CTSF: variants seen among roughly 807,000 people sequenced by gnomAD.
CTSF encodes cathepsin F.
Under a neutral mutation model 63.5 loss-of-function variants are expected in CTSF, and 65 were observed. The ratio of observed to expected loss-of-function variants is 1.02; its 90% CI spans 0.84 to 1.26. The LOEUF (loss-of-function observed/expected upper bound fraction) is 1.26. CTSF is among the 50% of genes most tolerant of loss of function. CTSF has a pLI of 0.00. For missense variants in CTSF, 641 were observed against 631.0 expected (o/e 1.02, Z -0.17); for synonymous variants, 256 against 258.1 (o/e 0.99, Z 0.08).
Position 66,563,940 on chromosome 11 carries a change from A to G in CTSF, c.1448T>C (p.Val483Ala), listed in dbSNP as rs1590814414. 2 of 1,612,592 alleles carry G rather than the reference A, an allele frequency of 1.2e-6. No individual in the cohort carries two copies. Among genetic ancestry groups the G allele is most frequent in the Middle Eastern group, 1.9e-4 (1 of 5,304 alleles). The change falls in exon 13 of 13, where the codon GTG (valine) becomes GCG (alanine). Residue 483 changes from valine to alanine, a missense_variant. Transcript: ENST00000310325. ...GVNTMASSAV[V>A]D ...CGAGCTGGGGGCCCCTCTTCAGTCC[A>G]CCACCGCCGAGCTGGCCATGGTGTT...
chr11:66,564,255 A>G, intron 11 of CTSF, 109 bp from the exon 12 acceptor site: 1 of 1,374,314 alleles, frequency 7.3e-7, no homozygotes, highest in Non-Finnish European at 1.0e-6. Flanking sequence ...TGTGACAGGG[A>G]CTAGGAAAAG....
chr11:66,566,848 C>T (rs1485195521), intron 4 of CTSF, among the ~76,000 whole-genome samples: 1 of 152,114 alleles, frequency 6.6e-6, no homozygotes, highest in South Asian at 2.1e-4. Flanking sequence ...CTCAGCCTCC[C>T]GAGTAGCTGG....
At chr11:66,566,193 G>A (rs1857928091) in intron 5 of CTSF, 26 bp from the exon 6 acceptor site, 1 of 1,613,930 alleles carries the variant, frequency 6.2e-7, no homozygotes, top group African/African-American at 1.3e-5. Context: ...GGCAGGGCAT[G>A]GGGAGGAAGA....
Position 66,563,465 on chromosome 11 carries a change from C to CGG in CTSF, c.*466_*467dup. 2.1e-6 allele frequency: 1 copy of CGG among 475,234 alleles called. No individual in the cohort carries two copies. The highest frequency in any genetic ancestry group is 3.7e-6 in the Non-Finnish European group (1 of 269,262). The allele number at this position is 475,234 out of a possible 1,614,324, so 29.4% of individuals were successfully genotyped here. A position where few individuals can be genotyped will look rare whatever the true frequency, so the allele number is the denominator to read the frequency against. On this transcript the variant is annotated 3_prime_UTR_variant, in exon 13 of 13. Transcript: ENST00000310325. ...GGGGACTGAGCATTTATACCACACTCGGGACAAGGACACCTCTTTATTGCT... is the reference window on the plus strand; with the variant it reads ...GGGGACTGAGCATTTATACCACACTCGGGGGACAAGGACACCTCTTTATTGCT...
Position 66,568,563 on chromosome 11 carries a change from G to T in CTSF, c.-77C>A. On this transcript the variant is annotated 5_prime_UTR_variant, in exon 1 of 13. Transcript: ENST00000310325. ...CGGGTACCGAGCCCGCGGCCAGCGG[G>T]GCCTGAGTCCTCCCTCCAGCGGGGC... 7.0e-7 allele frequency: 1 copy of T among 1,426,878 alleles called. No homozygotes were observed. The highest frequency in any genetic ancestry group is 1.4e-5 in the South Asian group (1 of 73,160). 88.4% of individuals were successfully genotyped at this position (1,426,878 alleles called of 1,614,324 possible). A position where few individuals can be genotyped will look rare whatever the true frequency, so the allele number is the denominator to read the frequency against.
chr11:66,564,385 C>T (rs1857879381), intron 11 of CTSF, 173 bp downstream of exon 11: 1 of 780,568 alleles, frequency 1.3e-6, no homozygotes, highest in Non-Finnish European at 2.0e-6. Context: ...TCCCACAGCT[C>T]AGCTTCCCTG....
At position 66,564,634 on chromosome 11, in the gene CTSF, C is replaced by A; in HGVS notation, c.1245G>T (p.Gly415=). ...NAFGMQFYRH[G]ISRPLRPLCS... ...AGAGGGGCCGGAGAGGGCGGGAGAT[C>A]CCGTGGCGGTAAAACTGGAGGTGGA... is the stretch of plus-strand genomic sequence containing the variant. The change falls in exon 11 of 13, where the codon GGG becomes GGT. Residue 415 remains glycine, a synonymous_variant. Coordinates refer to ENST00000310325, the MANE Select transcript of CTSF (RefSeq NM_003793.4). 1 of 1,609,130 alleles carries A rather than the reference C, an allele frequency of 6.2e-7. No individual in the cohort carries two copies. Among genetic ancestry groups the A allele is most frequent in the East Asian group, 2.2e-5 (1 of 44,704 alleles).
Position 66,568,090 on chromosome 11 carries a change from G to C in CTSF, c.214-8C>G. The stretch of plus-strand genomic sequence containing the variant: ...CAGCGACCCCTGACCCGCCTGGAGA[G>C]AGGAGTAGGTGAGGCGGGCACAGTC... On this transcript the variant is annotated splice_polypyrimidine_tract_variant and splice_region_variant and intron_variant, in intron 1 of 12. Transcript: ENST00000310325. The C allele has an allele frequency of 6.2e-7, 1 of 1,605,620 alleles. No homozygotes were observed. Among genetic ancestry groups the C allele is most frequent in the Non-Finnish European group, 8.5e-7 (1 of 1,177,254 alleles).
intron 2 of CTSF, 131 bp downstream of exon 2, chr11:66,567,853 G>C: frequency 7.2e-7 from 1 of 1,397,070 alleles, no homozygotes; most frequent in Non-Finnish European, 9.7e-7. Context: ...TCCAGCCCTC[G>C]GGGCCTGGGA....
rs764262853 is a variant in CTSF at position 66,564,758 on chromosome 11, T to C, written c.1214A>G (p.Asn405Ser). The change falls in exon 10 of 13, where the codon AAT becomes AGT. Residue 405 changes from asparagine (N) to serine (S), a missense_variant. Transcript: ENST00000310325. ...AKRGPISVAI[N>S]AFGMQFYRHG... The stretch of plus-strand genomic sequence containing the variant: ...GGGCCTCACCTGCATGCCAAAGGCA[T>C]TGATGGCCACGGAGATTGGGCCTCT... 3 of 1,614,010 alleles carry C rather than the reference T, an allele frequency of 1.9e-6. No homozygotes were observed. The highest frequency in any genetic ancestry group is 2.2e-5 in the East Asian group (1 of 44,880).
intron 11 of CTSF, 65 bp downstream of exon 11, chr11:66,564,493 T>G: frequency 3.1e-5 from 42 of 1,373,186 alleles, no homozygotes; most frequent in Non-Finnish European, 4.0e-5. Flanking sequence ...CTAGAGGACC[T>G]GAGATGCTGT....
intron 4 of CTSF, among the ~76,000 whole-genome samples, chr11:66,566,829 T>C (rs1417716346): frequency 6.6e-6 from 1 of 152,108 alleles, no homozygotes; most frequent in African/African-American, 2.4e-5. Context: ...GTTCAAGTGA[T>C]TTTCCTGCCT....
chr11:66,568,079 C>A lies in CTSF; in HGVS notation c.217G>T (p.Gly73Cys), dbSNP rs1304498057. 6.2e-7 allele frequency: 1 copy of A among 1,603,554 alleles called. No homozygotes were observed. The highest frequency in any genetic ancestry group is 1.7e-5 in the Admixed American group (1 of 57,176). Reference protein sequence around the residue: ...GLVRGRVRRAGQGSLYSLEAT... With the variant: ...GLVRGRVRRACQGSLYSLEAT... ...TCCAGGGAGTACAGCGACCCCTGAC[C>A]CGCCTGGAGAGAGGAGTAGGTGAGG... Residue 73 changes from glycine (G) to cysteine (C), a missense_variant, in exon 2 of 13, where the codon GGT becomes TGT. Coordinates refer to ENST00000310325, the MANE Select transcript of CTSF (RefSeq NM_003793.4).
chr11:66,564,563 C>A lies in CTSF; in HGVS notation c.1316G>T (p.Gly439Val), dbSNP rs1440223068. ...IDHAVLLVGYGNRSDVPFWAI... is the reference protein window; with the variant it reads ...IDHAVLLVGYVNRSDVPFWAI... ...GGACAGGCAGCGGAACTCACGGTTG[C>A]CGTAGCCCACAAGCAACACCGCATG... Residue 439 changes from glycine (G) to valine (V), a missense_variant, in exon 11 of 13, where the codon GGC (glycine) becomes GTC (valine). By Grantham distance (109) the Gly-to-Val change is moderately radical. Transcript: ENST00000310325. 1.3e-6 allele frequency: 2 copies of A among 1,558,278 alleles called. No individual in the cohort carries two copies. Among genetic ancestry groups the A allele is most frequent in the Admixed American group, 1.9e-5 (1 of 51,742 alleles).
At chr11:66,566,729 T>A (rs1486275313) in intron 4 of CTSF, among the ~76,000 whole-genome samples, 1 of 146,574 alleles carries the variant, frequency 6.8e-6, no homozygotes, top group Non-Finnish European at 1.5e-5. Context: ...CAGAGCTTCT[T>A]TTTTTTTTTT....
chr11:66,568,370 C>G lies in CTSF; in HGVS notation c.117G>C (p.Leu39=). 8 of 1,303,966 alleles carry G rather than the reference C, an allele frequency of 6.1e-6. No individual in the cohort carries two copies. Among genetic ancestry groups the G allele is most frequent in the Non-Finnish European group, 7.7e-6 (8 of 1,034,518 alleles). 80.8% of individuals were successfully genotyped at this position (1,303,966 alleles called of 1,614,324 possible). ...FQAWGPPSPE[L]LAPTRFALEM... ...CCAGCGCGAAGCGGGTGGGCGCCAGCAGCTCCGGGGACGGCGGCCCCCAGG... is the reference window on the plus strand; with the variant it reads ...CCAGCGCGAAGCGGGTGGGCGCCAGGAGCTCCGGGGACGGCGGCCCCCAGG... Residue 39 remains leucine, a synonymous_variant, in exon 1 of 13, where the codon CTG becomes CTC. Coordinates refer to ENST00000310325, the MANE Select transcript of CTSF (RefSeq NM_003793.4).
At position 66,565,826 on chromosome 11, in the gene CTSF, C is replaced by G; in HGVS notation, c.964+5G>C. 1 of 1,613,978 alleles carries G rather than the reference C, an allele frequency of 6.2e-7. No individual in the cohort carries two copies. Among genetic ancestry groups the G allele is most frequent in the Non-Finnish European group, 8.5e-7 (1 of 1,180,040 alleles). On this transcript the variant is annotated splice_donor_5th_base_variant and intron_variant, in intron 7 of 12. Coordinates refer to ENST00000310325, the MANE Select transcript of CTSF (RefSeq NM_003793.4). ...GGGGACAGAGGAGTAGAGCGAGATG[C>G]TCACCCTGTTCAGAGAGGGAGAGCA...
chr11:66,565,982 T>G, intron 6 of CTSF, 40 bp downstream of exon 6: 1 of 1,614,062 alleles, frequency 6.2e-7, no homozygotes, highest in Non-Finnish European at 8.5e-7. Flanking sequence ...TCAGCCCCAG[T>G]GCAGTGCCCA....
In CTSF at chr11:66,567,983, C is replaced by A. The variant is rs1234337332; in HGVS notation, c.312+1G>T. 1 of 1,588,888 alleles carries A rather than the reference C, an allele frequency of 6.3e-7. No homozygotes were observed. Among genetic ancestry groups the A allele is most frequent in the East Asian group, 2.3e-5 (1 of 44,436 alleles). The stretch of plus-strand genomic sequence containing the variant: ...GGAACCCCAAGAGCCTCATCACTCA[C>A]CAGGGTTTTCTTGGACACGGGGAGC... On this transcript the variant is annotated splice_donor_variant, in intron 2 of 12. Transcript: ENST00000310325. LOFTEE classifies it high-confidence loss of function.
Sources: gnomAD v4.1 joint callset for allele counts (sites outside exome capture counted in the v4.1 genomes callset) on GRCh38, gnomAD v4.1.1 for gene constraint, MANE v1.5 for transcripts, NCBI Gene and HGNC (gene_info 2026-07-23, HGNC 2026-07-21) for gene names.